Variants in SMAD6 observed in about 807,000 individuals in gnomAD.
SMAD6 encodes MAD homolog 6.
In SMAD6, 103 loss-of-function variants were observed where a neutral mutation model predicts 39.4. That is an observed-to-expected ratio of 2.62 (90% confidence interval 2.23 to 3.08). The LOEUF is 3.08. Among genes scored for constraint, SMAD6 ranks in the 30% most tolerant of loss-of-function variants. SMAD6 has a pLI of 0.00. For missense variants in SMAD6, 1,104 were observed against 742.9 expected (o/e 1.49, Z -5.65); for synonymous variants, 445 against 353.3 (o/e 1.26, Z -2.91).
chr15:66,766,649 G>A (rs1894293623), intron 3 of SMAD6, among the ~76,000 whole-genome samples: 2 of 152,170 alleles, frequency 1.3e-5, no homozygotes, highest in African/African-American at 4.8e-5. Flanking sequence ...GCCCATGCAT[G>A]TAAGTTGCCT....
In SMAD6 at chr15:66,724,229, A is replaced by G. The variant is rs537400838; in HGVS notation, c.952+7731A>G. On this transcript the variant is annotated intron_variant, in intron 3 of 3. Transcript: ENST00000288840. Reference sequence around the variant, plus strand: ...GAACCCTGGGATATACTTGGTCCTGAAGGACCTCATCTGGCTTCTAATACT... The same window carrying G: ...GAACCCTGGGATATACTTGGTCCTGGAGGACCTCATCTGGCTTCTAATACT... 1.3e-4 allele frequency among the ~76,000 whole-genome samples: 20 copies of G among 152,254 alleles called. No individual in the cohort carries two copies. In the Middle Eastern group the frequency reaches 0.01, roughly 78 times the overall value.
At chr15:66,724,285 G>GGAAT (rs111450497) in intron 3 of SMAD6, among the ~76,000 whole-genome samples, 71,557 of 150,464 alleles carry the variant, frequency 0.48, 17,039 homozygotes, top group East Asian at 0.53. Flanking sequence ...GAGTCATTGT[G>GGAAT]GAATGAATGA....
At chr15:66,718,110 CCGTG>C (rs1005868781) in intron 3 of SMAD6, among the ~76,000 whole-genome samples, 3 of 72,414 alleles carry the variant, frequency 4.1e-5, no homozygotes, top group African/African-American at 2.1e-4. Flanking sequence ...GATGGAAAGT[CCGTG>C]TGTGTGTGTG....
rs532925314 is a variant in SMAD6, at chr15:66,732,374, C to G, written c.952+15876C>G. Among the ~76,000 whole-genome samples the G allele has an allele frequency of 3.3e-5, 5 of 151,904 alleles. No individual in the cohort carries two copies. In the South Asian group the frequency reaches 1.0e-3, roughly 31 times the overall value. ...CACTTCCCCTCCTCCCCCAAAGAAA[C>G]AGCGTCTCACTCTGTCACCCAGGCT... On this transcript the variant is annotated intron_variant, in intron 3 of 3. Coordinates refer to ENST00000288840, the MANE Select transcript of SMAD6 (RefSeq NM_005585.5).
At chr15:66,730,079 G>A (rs1324474618) in intron 3 of SMAD6, among the ~76,000 whole-genome samples, 1 of 152,186 alleles carries the variant, frequency 6.6e-6, no homozygotes, top group Non-Finnish European at 1.5e-5. Flanking sequence ...CCAGATGCGG[G>A]GACACATGTG....
At chr15:66,731,058 G>A in intron 3 of SMAD6, among the ~76,000 whole-genome samples, 1 of 152,194 alleles carries the variant, frequency 6.6e-6, no homozygotes, top group Non-Finnish European at 1.5e-5. Flanking sequence ...GTAAAATTTT[G>A]TGGAAGTGTA....
chr15:66,711,844 C>A, intron 2 of SMAD6, 120 bp downstream of exon 2: 1 of 806,248 alleles, frequency 1.2e-6, no homozygotes, highest in Non-Finnish European at 2.1e-6. Context: ...GGGGTGAAAG[C>A]CGGACTGGTT....
intron 1 of SMAD6, chr15:66,704,775 C>T (rs1893073230): frequency 6.6e-6 from 1 of 152,338 alleles, no homozygotes; most frequent in African/African-American, 2.4e-5. Flanking sequence ...TGGAGGCATC[C>T]GTGAGTAGAT....
At chr15:66,780,949 C>A in intron 3 of SMAD6, 48 bp from the exon 4 acceptor site, 1 of 1,496,466 alleles carries the variant, frequency 6.7e-7, no homozygotes, top group Non-Finnish European at 8.9e-7. Flanking sequence ...CGGTGCCTCC[C>A]ACCTCCCCAC....
intron 3 of SMAD6, among the ~76,000 whole-genome samples, chr15:66,724,788 C>T (rs899549733): frequency 6.6e-6 from 1 of 152,074 alleles, no homozygotes; most frequent in Admixed American, 6.5e-5. Flanking sequence ...AAATGAATGA[C>T]GAGTGAGATG....
intron 1 of SMAD6, among the ~76,000 whole-genome samples, chr15:66,709,190 A>G (rs759622391): frequency 2.0e-5 from 3 of 152,196 alleles, no homozygotes; most frequent in Non-Finnish European, 4.4e-5. Flanking sequence ...GAATTTAGTG[A>G]TTAGCTTTCA....
chr15:66,718,701 A>T (rs1308353371), intron 3 of SMAD6, among the ~76,000 whole-genome samples: 1 of 152,114 alleles, frequency 6.6e-6, no homozygotes, highest in Non-Finnish European at 1.5e-5. Context: ...TCTGTGCTGT[A>T]GGGATCTGAG....
At chr15:66,717,395 C>G (rs777920360) in intron 3 of SMAD6, 1 of 456,194 alleles carries the variant, frequency 2.2e-6, no homozygotes, top group Admixed American at 2.3e-5. Context: ...CTATGGCCGG[C>G]ACTCCACTTG....
At chr15:66,771,453 G>A (rs956950545) in intron 3 of SMAD6, among the ~76,000 whole-genome samples, 4 of 152,330 alleles carry the variant, frequency 2.6e-5, no homozygotes, top group Admixed American at 2.0e-4. Flanking sequence ...CAGTCAGGGC[G>A]CTGAGGCTGA....
intron 3 of SMAD6, among the ~76,000 whole-genome samples, chr15:66,721,069 G>T (rs1439486001): frequency 6.6e-6 from 1 of 152,164 alleles, no homozygotes; most frequent in East Asian, 1.9e-4. Flanking sequence ...GCTCCTTGAG[G>T]GCGCAGATCA....
chr15:66,759,184 A>G (rs1356290798), intron 3 of SMAD6, among the ~76,000 whole-genome samples: 1 of 152,230 alleles, frequency 6.6e-6, no homozygotes, highest in African/African-American at 2.4e-5. Context: ...TCTGTAAGGT[A>G]TAATAATCAA....
At chr15:66,721,488 T>C (rs1893431545) in intron 3 of SMAD6, among the ~76,000 whole-genome samples, 1 of 152,192 alleles carries the variant, frequency 6.6e-6, no homozygotes, top group Non-Finnish European at 1.5e-5. Context: ...TCCCTGTAGC[T>C]GTGGTGGGCT....
intron 3 of SMAD6, chr15:66,717,211 G>A: frequency 9.1e-7 from 1 of 1,102,858 alleles, no homozygotes; most frequent in Non-Finnish European, 1.2e-6. Flanking sequence ...CATGGCTGGT[G>A]GCATGGTGGC....
chr15:66,735,415 A>C (rs933759444), intron 3 of SMAD6, among the ~76,000 whole-genome samples: 2 of 152,176 alleles, frequency 1.3e-5, no homozygotes, highest in African/African-American at 4.8e-5. Flanking sequence ...TGTAGGGGGA[A>C]ATGATGTGAG....
Sources: gnomAD v4.1 joint callset for allele counts (sites outside exome capture counted in the v4.1 genomes callset) on GRCh38, gnomAD v4.1.1 for gene constraint, MANE v1.5 for transcripts, NCBI Gene and HGNC (gene_info 2026-07-23, HGNC 2026-07-21) for gene names.